Variants in RORB observed in about 807,000 individuals in gnomAD.
RORB encodes RAR related orphan receptor B.
In RORB, 6 loss-of-function variants were observed where a neutral mutation model predicts 59.1. That is an observed-to-expected ratio of 0.10 (90% CI 0.06 to 0.20). The LOEUF (loss-of-function observed/expected upper bound fraction) is 0.20. Ranked by LOEUF, RORB falls within the 10% of genes least tolerant of loss-of-function variation. The probability of loss-of-function intolerance (pLI) is 1.00; values close to 1 mark genes in which losing one functional copy is unlikely to be tolerated. For synonymous variants in RORB, 215 were observed against 204.5 expected, an observed-to-expected ratio of 1.05 and a Z score of -0.44; for missense variants, 320 against 560.5, an observed-to-expected ratio of 0.57 and a Z score of 4.33.
At chr9:74,508,663 A>G (rs182993664) in intron 1 of RORB, among the ~76,000 whole-genome samples, 1 of 152,132 alleles carries the variant, frequency 6.6e-6, no homozygotes, top group East Asian at 1.9e-4. Context: ...AATACCCTCC[A>G]AGATAACAGT....
intron 1 of RORB, among the ~76,000 whole-genome samples, chr9:74,532,105 A>G (rs1295267144): frequency 2.0e-5 from 3 of 152,008 alleles, no homozygotes; most frequent in East Asian, 3.9e-4. Context: ...AAGCTTACCT[A>G]TCCTTGATCA....
rs527698094 is a variant in RORB at position 74,691,511 on chromosome 9, G to T, written c.*5893G>T. On this transcript the variant is annotated 3_prime_UTR_variant, in exon 10 of 10. Coordinates refer to ENST00000376896, the MANE Select transcript of RORB (RefSeq NM_006914.4). ...ACCCACAGAAAACTGAGTATGTATT[G>T]TAGAAATGTAGAGGAAAAATAAAAA... 6.6e-6 allele frequency: 1 copy of T among 152,310 alleles called. No individual in the cohort carries two copies. The highest frequency in any genetic ancestry group is 2.4e-5 in the African/African-American group (1 of 41,574). The allele number at this position is 152,310 out of a possible 1,614,324, so 9.4% of individuals were successfully genotyped here.
rs1824702146 is a variant in RORB, at chr9:74,689,441, A to G, written c.*3823A>G. Reference sequence around the variant, plus strand: ...TTTATCCCCCAAAGACTGAAAGCTGAAGGTGGAGATGTTCTCCACAAACAT... The same window carrying G: ...TTTATCCCCCAAAGACTGAAAGCTGGAGGTGGAGATGTTCTCCACAAACAT... On this transcript the variant is annotated 3_prime_UTR_variant, in exon 10 of 10. Transcript: ENST00000376896. The G allele has an allele frequency of 6.6e-6, 1 of 152,228 alleles. No individual in the cohort carries two copies. Among genetic ancestry groups the G allele is most frequent in the Non-Finnish European group, 1.5e-5 (1 of 68,076 alleles). The allele number at this position is 152,228 out of a possible 1,614,324, so 9.4% of individuals were successfully genotyped here. A position where few individuals can be genotyped will look rare whatever the true frequency, so the allele number is the denominator to read the frequency against.
intron 1 of RORB, among the ~76,000 whole-genome samples, chr9:74,604,630 A>AT (rs1211048837): frequency 2.0e-5 from 3 of 152,210 alleles, no homozygotes; most frequent in African/African-American, 7.2e-5. Flanking sequence ...TCACCCAATT[A>AT]TTATTTGTTA....
intron 1 of RORB, among the ~76,000 whole-genome samples, chr9:74,612,140 G>A (rs1243443440): frequency 5.3e-5 from 8 of 152,166 alleles, no homozygotes; most frequent in Admixed American, 2.6e-4. Context: ...TGGGTAAATG[G>A]TCAGGGGACA....
intron 1 of RORB, among the ~76,000 whole-genome samples, chr9:74,608,521 G>T (rs1484539974): frequency 2.8e-5 from 4 of 142,856 alleles, no homozygotes; most frequent in African/African-American, 5.2e-5. Flanking sequence ...CCGAGATCGC[G>T]CCACTGCACT....
intron 4 of RORB, among the ~76,000 whole-genome samples, chr9:74,655,238 A>T (rs893500380): frequency 2.0e-5 from 3 of 152,206 alleles, no homozygotes; most frequent in African/African-American, 7.2e-5. Flanking sequence ...CCACTTAAGA[A>T]ATCTCCAGCC....
In RORB at chr9:74,531,938, T is replaced by C. The variant is rs954267202; in HGVS notation, c.7+33955T>C. ...AATCATTGCCATTTAAAGTTACATC[T>C]TGAAAATTTTTCATCAGAATTAATG... On this transcript the variant is annotated intron_variant, in intron 1 of 9. Coordinates refer to ENST00000376896, the MANE Select transcript of RORB (RefSeq NM_006914.4). Among the ~76,000 whole-genome samples, 6 of 152,062 alleles carry C rather than the reference T, an allele frequency of 3.9e-5. No individual in the cohort carries two copies. The East Asian group carries it at 7.8e-4, about 20-fold the overall frequency.
chr9:74,621,006 T>C (rs998262531), intron 1 of RORB, among the ~76,000 whole-genome samples: 4 of 152,208 alleles, frequency 2.6e-5, no homozygotes. Flanking sequence ...ATTTACAAAA[T>C]AATTGAGCAA....
In RORB at chr9:74,574,990, G is replaced by A. The variant is rs183679338; in HGVS notation, c.8-55292G>A. On this transcript the variant is annotated intron_variant, in intron 1 of 9. Transcript: ENST00000376896. ...GGGCCAAAAGAGTATTGCATACCAG[G>A]AATATAGAAGTAAATAACTATAAGA... Among the ~76,000 whole-genome samples, 178 of 152,146 alleles carry A rather than the reference G, an allele frequency of 1.2e-3. 1 individual carries two copies. The highest frequency in any genetic ancestry group is 3.7e-3 in the African/African-American group (154 of 41,482).
intron 1 of RORB, among the ~76,000 whole-genome samples, chr9:74,528,884 G>A (rs1826193665): frequency 6.6e-6 from 1 of 151,994 alleles, no homozygotes; most frequent in Non-Finnish European, 1.5e-5. Flanking sequence ...ATGAGGAAAT[G>A]AGACTAAGGT....
rs1280011977 is a variant in RORB at position 74,531,835 on chromosome 9, A to G, written c.7+33852A>G. 3.3e-5 allele frequency among the ~76,000 whole-genome samples: 5 copies of G among 152,016 alleles called. No homozygotes were observed. In the East Asian group the frequency reaches 9.7e-4, roughly 30 times the overall value. ...TTACATGAGACTTTTTTTTATAAAG[A>G]CTGCTGTCTTCTTGCAGATGGGGTG... On this transcript the variant is annotated intron_variant, in intron 1 of 9. Transcript: ENST00000376896.
intron 1 of RORB, among the ~76,000 whole-genome samples, chr9:74,592,836 C>G (rs1458029756): frequency 6.6e-6 from 1 of 152,060 alleles, no homozygotes; most frequent in African/African-American, 2.4e-5. Flanking sequence ...CTCTCACTCT[C>G]ACACACACAC....
intron 1 of RORB, among the ~76,000 whole-genome samples, chr9:74,509,267 G>C (rs1266362888): frequency 3.3e-5 from 5 of 151,968 alleles, no homozygotes; most frequent in African/African-American, 9.7e-5. Flanking sequence ...GATCTGTCTA[G>C]TCAAAATAAT....
chr9:74,634,644 G>A lies in RORB; in HGVS notation c.107G>A (p.Arg36Lys). The change falls in exon 3 of 10, where the codon AGG becomes AAG. Residue 36 changes from arginine to lysine, a missense_variant. Arg to Lys is a conservative substitution (Grantham distance 26). This residue lies in a region of RORB where 37 missense variants were observed against 116.4 expected (regional missense o/e 0.32). Coordinates refer to ENST00000376896, the MANE Select transcript of RORB (RefSeq NM_006914.4). The stretch of plus-strand genomic sequence containing the variant: ...TTTTCCCTCAAGGGATTCTTTAGGA[G>A]GAGCCAGCAGAACAATGCTTCTTAT... ...TCEGCKGFFR[R>K]SQQNNASYSC... 1 of 1,609,822 alleles carries A rather than the reference G, an allele frequency of 6.2e-7. No individual in the cohort carries two copies. The highest frequency in any genetic ancestry group is 8.5e-7 in the Non-Finnish European group (1 of 1,178,282).
intron 1 of RORB, among the ~76,000 whole-genome samples, chr9:74,510,693 T>C (rs1825925495): frequency 6.6e-6 from 1 of 152,106 alleles, no homozygotes; most frequent in South Asian, 2.1e-4. Context: ...CCCTAAAATA[T>C]AAAAGAGTGC....
intron 2 of RORB, among the ~76,000 whole-genome samples, chr9:74,632,748 C>A (rs1345101521): frequency 6.6e-6 from 1 of 152,142 alleles, no homozygotes; most frequent in Non-Finnish European, 1.5e-5. Context: ...AAAAACCACA[C>A]AATTCTGTCT....
intron 1 of RORB, among the ~76,000 whole-genome samples, chr9:74,520,183 T>C (rs894122672): frequency 5.3e-5 from 8 of 151,488 alleles, no homozygotes; most frequent in African/African-American, 1.7e-4. Context: ...AGACAATCAG[T>C]GGGAGGGATA....
chr9:74,671,011 G>T (rs1001458292), intron 8 of RORB, among the ~76,000 whole-genome samples: 2 of 152,076 alleles, frequency 1.3e-5, no homozygotes, highest in Non-Finnish European at 2.9e-5. Context: ...TTCCATAAAG[G>T]TCCAACCTAA....
Sources: allele counts gnomAD v4.1 joint callset (sites outside exome capture counted in the v4.1 genomes callset), GRCh38; gene constraint gnomAD v4.1.1; regional missense constraint gnomAD v4.1.1; transcripts MANE v1.5; gene names NCBI Gene and HGNC (gene_info 2026-07-23, HGNC 2026-07-21).